The following ZMYND11 variants were observed in gnomAD, a reference collection of about 807,000 sequenced individuals.
ZMYND11 encodes the protein zinc finger MYND domain-containing protein 11.
A neutral mutation model predicts 84.9 loss-of-function variants in ZMYND11; 9 were observed. The ratio of observed to expected loss-of-function variants is 0.11; its 90% CI spans 0.06 to 0.18. ZMYND11 has a LOEUF of 0.18. Ranked by LOEUF, ZMYND11 falls within the 10% of genes least tolerant of loss-of-function variation. The probability of loss-of-function intolerance (pLI) is 1.00; values close to 1 mark genes in which losing one functional copy is unlikely to be tolerated. For synonymous variants in ZMYND11, 250 were observed against 244.1 expected (o/e 1.02, Z -0.23); for missense variants, 409 against 761.0 (o/e 0.54, Z 5.44).
At position 252,541 on chromosome 10, in the gene ZMYND11, C is replaced by G; in HGVS notation, c.*71C>G. On this transcript the variant is annotated 3_prime_UTR_variant, in exon 15 of 15. Transcript: ENST00000381604. This position sits in a 1 kb window ranked among gnomAD's most constrained non-coding sequence, Gnocchi z 4.6. ...ACAGCGGTTTTTGTTTCCAAGAAGC[C>G]AAAATTGTTTAGAATTTGCTTCCCA... The G allele has an allele frequency of 1.3e-6, 2 of 1,524,372 alleles. No homozygotes were observed. Among genetic ancestry groups the G allele is most frequent in the Non-Finnish European group, 1.8e-6 (2 of 1,139,502 alleles). The allele number at this position is 1,524,372 out of a possible 1,614,324, so 94.4% of individuals were successfully genotyped here.
intron 2 of ZMYND11, among the ~76,000 whole-genome samples, chr10:185,018 A>G (rs566577956): frequency 1.2e-4 from 19 of 152,154 alleles, no homozygotes; most frequent in Non-Finnish European, 2.5e-4. Flanking sequence ...CTGGAAAGGA[A>G]CTGTGACTGC....
chr10:175,612 C>T lies in ZMYND11; in HGVS notation c.-19-4382C>T, dbSNP rs1432309314. ...AATAAAAAACTACAAAATATAATTG[C>T]GTATTTTTCTGATTTGAGTGTAGAA... On this transcript the variant is annotated intron_variant, in intron 1 of 14. Coordinates refer to ENST00000381604, the MANE Select transcript of ZMYND11 (RefSeq NM_001370100.5). Among the ~76,000 whole-genome samples the T allele has an allele frequency of 5.3e-5, 8 of 151,980 alleles. No homozygotes were observed. The South Asian group carries it at 8.3e-4, about 16-fold the overall frequency.
At chr10:145,558 A>G (rs1838624191) in intron 1 of ZMYND11, among the ~76,000 whole-genome samples, 2 of 152,024 alleles carry the variant, frequency 1.3e-5, no homozygotes, top group African/African-American at 2.4e-5. Context: ...GCCAACACCT[A>G]TTGGTTTTTG....
rs781285107 is a variant in ZMYND11 at position 249,101 on chromosome 10, C to G, written c.1686+13C>G. 2.5e-6 allele frequency: 4 copies of G among 1,613,896 alleles called. No individual in the cohort carries two copies. The African/African-American group carries it at 5.3e-5, about 22-fold the overall frequency. ...GAAGAAGCAGTGGGTAAATACCAGTCTTTTTTAGACCCTTATTTCTGAAAA... is the reference window on the plus strand; with the variant it reads ...GAAGAAGCAGTGGGTAAATACCAGTGTTTTTTAGACCCTTATTTCTGAAAA... On this transcript the variant is annotated intron_variant, in intron 14 of 14. Transcript: ENST00000381604.
intron 3 of ZMYND11, among the ~76,000 whole-genome samples, chr10:219,376 A>G (rs1946739998): frequency 6.6e-6 from 1 of 151,938 alleles, no homozygotes; most frequent in Non-Finnish European, 1.5e-5. Flanking sequence ...TCTTTTTAAT[A>G]TTGAGTCAAA....
chr10:150,343 G>A (rs9419492), intron 1 of ZMYND11, among the ~76,000 whole-genome samples: 6,288 of 152,242 alleles, frequency 0.041, 408 homozygotes, highest in African/African-American at 0.14. Flanking sequence ...AGTCTTGGGC[G>A]GGTGTATGTG....
rs1952770205 is a variant in ZMYND11 at position 248,914 on chromosome 10, A to C, written c.1512A>C (p.Glu504Asp). The change falls in exon 14 of 15, where the codon GAA becomes GAC. Residue 504 changes from glutamate to aspartate, a missense_variant. Physicochemically the swap from Glu to Asp is conservative, Grantham distance 45. This residue lies in a region of ZMYND11 where 141 missense variants were observed against 173.8 expected (regional missense o/e 0.81). Transcript: ENST00000381604. Reference protein sequence around the residue: ...VREALEKLRSEMEEEKRQAVN... With the variant: ...VREALEKLRSDMEEEKRQAVN... ...TCTTTTCATTCCAGCTGCGTTCTGA[A>C]ATGGAAGAAGAAAAGAGACAAGCTG... is the stretch of plus-strand genomic sequence containing the variant. 6.2e-7 allele frequency: 1 copy of C among 1,611,706 alleles called. No individual in the cohort carries two copies. Among genetic ancestry groups the C allele is most frequent in the Non-Finnish European group, 8.5e-7 (1 of 1,178,688 alleles).
chr10:252,768 TA>T lies in ZMYND11; in HGVS notation c.*301del, dbSNP rs1456939211. The T allele has an allele frequency of 8.3e-6, 2 of 242,002 alleles. No homozygotes were observed. Among genetic ancestry groups the T allele is most frequent in the African/African-American group, 4.6e-5 (2 of 43,826 alleles). The allele number at this position is 242,002 out of a possible 1,614,324, so 15.0% of individuals were successfully genotyped here. ...TAGGTTTTACAGAGATTTTAACCTT[TA>T]AACAACAGATCTTTAAAAAACAGGT... On this transcript the variant is annotated 3_prime_UTR_variant, in exon 15 of 15. Coordinates refer to ENST00000381604, the MANE Select transcript of ZMYND11 (RefSeq NM_001370100.5). This position sits in a 1 kb window ranked among gnomAD's most constrained non-coding sequence, Gnocchi z 4.6.
At chr10:211,052 TGTG>T (rs1945130294) in intron 3 of ZMYND11, among the ~76,000 whole-genome samples, 1 of 151,842 alleles carries the variant, frequency 6.6e-6, no homozygotes, top group Non-Finnish European at 1.5e-5. Flanking sequence ...ATTAGCTGGG[TGTG>T]GTGGCACATG....
chr10:155,271 A>G (rs1841426951), intron 1 of ZMYND11, among the ~76,000 whole-genome samples: 2 of 152,228 alleles, frequency 1.3e-5, no homozygotes, highest in Admixed American at 1.3e-4. Context: ...TAAAAATGAA[A>G]AACCCTGTTG....
At chr10:164,471 T>C (rs1308277551) in intron 1 of ZMYND11, among the ~76,000 whole-genome samples, 2 of 152,198 alleles carry the variant, frequency 1.3e-5, no homozygotes, top group Non-Finnish European at 2.9e-5. Flanking sequence ...AGCTCTGCTG[T>C]CATTTGTCCT....
At chr10:197,966 GAT>G (rs1291744112) in intron 2 of ZMYND11, 1 of 656,942 alleles carries the variant, frequency 1.5e-6, no homozygotes, top group Non-Finnish European at 2.8e-6. Context: ...TCATTACACA[GAT>G]ATGTCATTTT....
At chr10:234,965 C>G (rs1301592723) in intron 4 of ZMYND11, among the ~76,000 whole-genome samples, 2 of 146,476 alleles carry the variant, frequency 1.4e-5, no homozygotes, top group South Asian at 4.4e-4. Context: ...CAAGAGGTGC[C>G]CGCTAGTATT....
At chr10:199,400 TCTTATC>T (rs1476499661) in intron 2 of ZMYND11, among the ~76,000 whole-genome samples, 6 of 151,556 alleles carry the variant, frequency 4.0e-5, no homozygotes, top group African/African-American at 1.2e-4. Context: ...TAATTTTAAA[TCTTATC>T]CTTATTATAT....
At chr10:209,739 C>T (rs2131264926) in intron 2 of ZMYND11, 150 bp from the exon 3 acceptor site, 2 of 620,814 alleles carry the variant, frequency 3.2e-6, no homozygotes, top group Admixed American at 3.8e-5. Flanking sequence ...TTCTGTTTAT[C>T]GTGTTCGTTC....
At chr10:208,185 A>G (rs1404742859) in intron 2 of ZMYND11, among the ~76,000 whole-genome samples, 2 of 152,242 alleles carry the variant, frequency 1.3e-5, no homozygotes, top group East Asian at 1.9e-4. Context: ...ACCTAAAACC[A>G]TAAAAACCCT....
chr10:203,934 C>G (rs2131159863), intron 2 of ZMYND11, among the ~76,000 whole-genome samples: 1 of 152,220 alleles, frequency 6.6e-6, no homozygotes, highest in Non-Finnish European at 1.5e-5. Flanking sequence ...ACACCTATAA[C>G]ATTGCTTCAT....
At chr10:250,276 G>C (rs1953141724) in intron 14 of ZMYND11, among the ~76,000 whole-genome samples, 1 of 152,188 alleles carries the variant, frequency 6.6e-6, no homozygotes, top group African/African-American at 2.4e-5. Flanking sequence ...GAATTTGTGT[G>C]ATCAACTCTC....
intron 4 of ZMYND11, among the ~76,000 whole-genome samples, chr10:231,990 T>C (rs1447339494): frequency 6.6e-6 from 1 of 152,212 alleles, no homozygotes. Context: ...TGAACCCTGT[T>C]ACAGGGAGGC....
Sources: gnomAD v4.1 joint callset for allele counts (sites outside exome capture counted in the v4.1 genomes callset) on GRCh38, gnomAD v4.1.1 for gene constraint, gnomAD v4.1.1 regional missense constraint, Gnocchi (gnomAD v3.1) non-coding constraint, MANE v1.5 for transcripts, NCBI Gene and HGNC (gene_info 2026-07-23, HGNC 2026-07-21) for gene names.